The following TSHZ2 variants were observed in gnomAD, a reference collection of about 807,000 sequenced individuals.
TSHZ2 encodes teashirt zinc finger homeobox 2.
A neutral mutation model predicts 74.4 loss-of-function variants in TSHZ2; 21 were observed. That is an observed-to-expected ratio of 0.28 (90% CI 0.20 to 0.41). TSHZ2 has a LOEUF of 0.41. TSHZ2 is among the 10% of genes least tolerant of loss of function. The pLI is 1.00. For missense variants in TSHZ2, 1,244 were observed against 1,293.5 expected, an observed-to-expected ratio of 0.96 and a Z score of 0.59; for synonymous variants, 540 against 515.3, an observed-to-expected ratio of 1.05 and a Z score of -0.65.
chr20:53,254,115 G>A lies in TSHZ2; in HGVS notation c.657G>A (p.Gln219=). 6.2e-7 allele frequency: 1 copy of A among 1,614,168 alleles called. No individual in the cohort carries two copies. The highest frequency in any genetic ancestry group is 8.5e-7 in the Non-Finnish European group (1 of 1,180,032). The part of the protein sequence containing the change: ...FTGASRFRCR[Q]CSAAYDTLVE... ...GGGCCAGCAGATTCCGATGCCGACA[G>A]TGCAGCGCGGCCTATGACACCCTAG... Residue 219 remains glutamine, a synonymous_variant, in exon 2 of 3, where the codon CAG becomes CAA. Coordinates refer to ENST00000371497, the MANE Select transcript of TSHZ2 (RefSeq NM_173485.6).
intron 2 of TSHZ2, among the ~76,000 whole-genome samples, chr20:53,320,819 C>G (rs763824322): frequency 4.6e-5 from 7 of 152,182 alleles, no homozygotes; most frequent in Admixed American, 2.6e-4. Context: ...GGCCTGTGGT[C>G]GGGGGACATG....
intron 1 of TSHZ2, among the ~76,000 whole-genome samples, chr20:52,990,640 C>A (rs1194304477): frequency 7.2e-5 from 11 of 152,032 alleles, no homozygotes; most frequent in Non-Finnish European, 1.6e-4. Flanking sequence ...AGGAAGAGCC[C>A]CCCGGATTTT....
At chr20:53,167,034 C>A (rs1254485090) in intron 1 of TSHZ2, among the ~76,000 whole-genome samples, 1 of 152,122 alleles carries the variant, frequency 6.6e-6, no homozygotes, top group Non-Finnish European at 1.5e-5. Context: ...GCTGAGTAGT[C>A]CCAGTCATGA....
intron 1 of TSHZ2, among the ~76,000 whole-genome samples, chr20:52,974,172 G>C (rs1423385598): frequency 1.3e-5 from 2 of 152,036 alleles, no homozygotes. Flanking sequence ...TTAATAGTAT[G>C]CTGGGGTTTT....
chr20:53,008,556 C>CT (rs1982729099), intron 1 of TSHZ2, among the ~76,000 whole-genome samples: 1 of 124,894 alleles, frequency 8.0e-6, no homozygotes, highest in South Asian at 2.4e-4. Flanking sequence ...ATTATAATCA[C>CT]CTTTTTTTTT....
At chr20:53,123,199 TC>T (rs1174914439) in intron 1 of TSHZ2, among the ~76,000 whole-genome samples, 31 of 152,202 alleles carry the variant, frequency 2.0e-4, no homozygotes, top group African/African-American at 6.8e-4. Context: ...AATATTCTCA[TC>T]CGTGTCAGTT....
chr20:53,125,168 AAATG>A (rs1340142534), intron 1 of TSHZ2, among the ~76,000 whole-genome samples: 1 of 152,252 alleles, frequency 6.6e-6, no homozygotes, highest in Non-Finnish European at 1.5e-5. Flanking sequence ...TTTGAGGATT[AAATG>A]AATGTTGCAT....
chr20:53,459,505 T>G (rs1193158474), intron 2 of TSHZ2, among the ~76,000 whole-genome samples: 1 of 146,608 alleles, frequency 6.8e-6, no homozygotes, highest in Admixed American at 6.9e-5. Flanking sequence ...TCTTGACTCT[T>G]TATCCAATTT....
At chr20:53,346,182 T>G (rs950505104) in intron 2 of TSHZ2, among the ~76,000 whole-genome samples, 3 of 152,208 alleles carry the variant, frequency 2.0e-5, no homozygotes, top group African/African-American at 7.2e-5. Flanking sequence ...ATTAACATAT[T>G]CTAATTGTGC....
intron 2 of TSHZ2, among the ~76,000 whole-genome samples, chr20:53,442,800 T>TC (rs1600643010): frequency 6.6e-6 from 1 of 152,168 alleles, no homozygotes; most frequent in African/African-American, 2.4e-5. Flanking sequence ...AAATATGTAT[T>TC]CCCCCGTTTC....
chr20:53,066,769 G>A (rs773331857), intron 1 of TSHZ2, among the ~76,000 whole-genome samples: 1 of 152,184 alleles, frequency 6.6e-6, no homozygotes, highest in Non-Finnish European at 1.5e-5. Context: ...GCCTCCCAAA[G>A]TGTTGGGATT....
intron 2 of TSHZ2, among the ~76,000 whole-genome samples, chr20:53,428,540 A>T (rs1212890451): frequency 6.6e-6 from 1 of 152,224 alleles, no homozygotes; most frequent in Non-Finnish European, 1.5e-5. Flanking sequence ...ATCAATTGTC[A>T]TGAATTGCAG....
intron 1 of TSHZ2, among the ~76,000 whole-genome samples, chr20:53,054,814 G>A (rs573892437): frequency 9.2e-5 from 14 of 152,210 alleles, no homozygotes; most frequent in African/African-American, 3.4e-4. Flanking sequence ...TGGGCTATGG[G>A]CACTATACAG....
At chr20:53,035,000 C>G (rs569813673) in intron 1 of TSHZ2, among the ~76,000 whole-genome samples, 1 of 152,248 alleles carries the variant, frequency 6.6e-6, no homozygotes, top group Non-Finnish European at 1.5e-5. Flanking sequence ...TAAGGAGACT[C>G]CTGTCTAGAA....
chr20:53,024,305 C>T (rs956851638), intron 1 of TSHZ2, among the ~76,000 whole-genome samples: 5 of 151,500 alleles, frequency 3.3e-5, no homozygotes, highest in African/African-American at 4.9e-5. Context: ...TTTAATCTGG[C>T]GTTTCCTGGT....
intron 1 of TSHZ2, among the ~76,000 whole-genome samples, chr20:52,994,451 CGGATGGAT>C (rs371594531): frequency 4.0e-5 from 6 of 151,130 alleles, no homozygotes; most frequent in African/African-American, 1.2e-4. Flanking sequence ...AATGAATGGA[CGGATGGAT>C]GGATGGATGG....
intron 1 of TSHZ2, among the ~76,000 whole-genome samples, chr20:53,082,707 A>T (rs1043456714): frequency 6.6e-6 from 1 of 152,254 alleles, no homozygotes; most frequent in African/African-American, 2.4e-5. Context: ...TGGAAATGAT[A>T]AGCCACCTAA....
At chr20:53,166,387 G>A (rs1462707790) in intron 1 of TSHZ2, among the ~76,000 whole-genome samples, 2 of 152,172 alleles carry the variant, frequency 1.3e-5, no homozygotes, top group South Asian at 2.1e-4. Flanking sequence ...GAAGGCTGAG[G>A]TGGGAGGATT....
intron 1 of TSHZ2, among the ~76,000 whole-genome samples, chr20:53,157,372 G>C (rs983870835): frequency 8.7e-5 from 13 of 149,030 alleles, no homozygotes; most frequent in African/African-American, 3.0e-4. Flanking sequence ...ATGTTCTGTT[G>C]AACAAACCTG....
Sources: allele counts gnomAD v4.1 joint callset (sites outside exome capture counted in the v4.1 genomes callset), GRCh38; gene constraint gnomAD v4.1.1; transcripts MANE v1.5; gene names NCBI Gene and HGNC (gene_info 2026-07-23, HGNC 2026-07-21).